ANKH: variants seen among roughly 807,000 people sequenced by gnomAD.
The protein encoded by ANKH is ANKH inorganic pyrophosphate transport regulator, also known as mineralization regulator ANKH.
In ANKH, 15 loss-of-function variants were observed where a neutral mutation model predicts 49.0. That is an observed-to-expected ratio of 0.31 (90% confidence interval 0.20 to 0.47). The LOEUF (loss-of-function observed/expected upper bound fraction) is 0.47, where lower values mean the gene tolerates loss of function less well. Ranked by LOEUF, ANKH falls within the 20% of genes least tolerant of loss-of-function variation. ANKH has a pLI of 1.00. For missense variants in ANKH, 429 were observed against 652.0 expected, an observed-to-expected ratio of 0.66 and a Z score of 3.72; for synonymous variants, 273 against 260.0, an observed-to-expected ratio of 1.05 and a Z score of -0.48.
At chr5:14,784,643 G>C (rs1384573171) in intron 1 of ANKH, among the ~76,000 whole-genome samples, 1 of 152,200 alleles carries the variant, frequency 6.6e-6, no homozygotes. Context: ...AACAGAGTAA[G>C]GAGCAGGGTC....
intron 1 of ANKH, among the ~76,000 whole-genome samples, chr5:14,792,083 G>T (rs1216407932): frequency 6.6e-6 from 1 of 152,174 alleles, no homozygotes; most frequent in Non-Finnish European, 1.5e-5. Flanking sequence ...TGGGACGAGG[G>T]TGGAGGGCTC....
chr5:14,847,122 C>T (rs1317366678), intron 1 of ANKH, among the ~76,000 whole-genome samples: 1 of 151,818 alleles, frequency 6.6e-6, no homozygotes, highest in African/African-American at 2.4e-5. Context: ...GCTCTTAGGC[C>T]AGGAAGGGAG....
At chr5:14,852,666 C>T (rs994497006) in intron 1 of ANKH, among the ~76,000 whole-genome samples, 7 of 152,208 alleles carry the variant, frequency 4.6e-5, no homozygotes, top group Middle Eastern at 6.8e-3. Context: ...TTACGTGTGT[C>T]CCTAGCAGCA....
intron 1 of ANKH, among the ~76,000 whole-genome samples, chr5:14,817,607 T>A (rs1318677238): frequency 6.6e-6 from 1 of 152,096 alleles, no homozygotes; most frequent in Non-Finnish European, 1.5e-5. Flanking sequence ...TGATACAGAG[T>A]GACATCTGCC....
intron 1 of ANKH, chr5:14,798,194 C>T (rs1386291189): frequency 2.5e-5 from 40 of 1,585,610 alleles, no homozygotes; most frequent in Non-Finnish European, 3.3e-5. Context: ...ATGTGTGTGT[C>T]CCCAGGACAA....
intron 1 of ANKH, chr5:14,869,376 C>A (rs1055904594): frequency 1.3e-5 from 2 of 152,230 alleles, no homozygotes; most frequent in Admixed American, 6.5e-5. Context: ...TTCTTCTCCC[C>A]ATTTCTCCAC....
intron 1 of ANKH, among the ~76,000 whole-genome samples, chr5:14,778,864 C>T (rs1469377889): frequency 3.3e-5 from 5 of 152,164 alleles, no homozygotes; most frequent in Non-Finnish European, 5.9e-5. Context: ...AATACACAGC[C>T]ACACGGTCTG....
chr5:14,847,416 C>T (rs1305345899), intron 1 of ANKH, among the ~76,000 whole-genome samples: 1 of 152,184 alleles, frequency 6.6e-6, no homozygotes, highest in Non-Finnish European at 1.5e-5. Context: ...AAAGGTTCCA[C>T]TCGGAAATCG....
At chr5:14,758,459 C>T (rs1738971792) in intron 3 of ANKH, 21 bp downstream of exon 3, 2 of 1,576,892 alleles carry the variant, frequency 1.3e-6, no homozygotes, top group East Asian at 2.2e-5. Context: ...AGAAAGAAAG[C>T]CAACGATCTT....
chr5:14,811,383 T>C (rs1275617675), intron 1 of ANKH, among the ~76,000 whole-genome samples: 2 of 152,162 alleles, frequency 1.3e-5, no homozygotes, highest in African/African-American at 4.8e-5. Flanking sequence ...AGACACACAC[T>C]TTCCACACGA....
rs1736947096 is a variant in ANKH at position 14,706,407 on chromosome 5, C to A, written c.*4790G>T. ...CCACTTGGACTTGACAGAGGTTTTTCAAAAATGATTTAGGAGGCCCACCTT... is the reference window on the plus strand; with the variant it reads ...CCACTTGGACTTGACAGAGGTTTTTAAAAAATGATTTAGGAGGCCCACCTT... On this transcript the variant is annotated 3_prime_UTR_variant, in exon 12 of 12. Coordinates refer to ENST00000284268, the MANE Select transcript of ANKH (RefSeq NM_054027.6). The A allele has an allele frequency of 6.6e-6, 1 of 152,122 alleles. No homozygotes were observed. Among genetic ancestry groups the A allele is most frequent in the South Asian group, 2.1e-4 (1 of 4,824 alleles). 9.4% of individuals were successfully genotyped at this position (152,122 alleles called of 1,614,324 possible). A position where few individuals can be genotyped will look rare whatever the true frequency, so the allele number is the denominator to read the frequency against.
chr5:14,764,097 A>AAATAAATAAATAAAT (rs1561044514), intron 2 of ANKH, among the ~76,000 whole-genome samples: 2 of 78,004 alleles, frequency 2.6e-5, no homozygotes, highest in African/African-American at 8.7e-5. Context: ...AATAAATAAA[A>AAATAAATAAATAAAT]ATAAAAAAAG....
chr5:14,843,267 A>G (rs896460244), intron 1 of ANKH, among the ~76,000 whole-genome samples: 1 of 149,490 alleles, frequency 6.7e-6, no homozygotes, highest in East Asian at 2.0e-4. Flanking sequence ...CCTCCGCCTC[A>G]TGGATTCAAG....
chr5:14,857,244 A>G (rs574784298), intron 1 of ANKH, among the ~76,000 whole-genome samples: 2 of 152,262 alleles, frequency 1.3e-5, no homozygotes, highest in African/African-American at 4.8e-5. Context: ...GGGAAGTAAA[A>G]CCAATACAGC....
At chr5:14,812,066 G>C (rs1379526685) in intron 1 of ANKH, among the ~76,000 whole-genome samples, 1 of 146,426 alleles carries the variant, frequency 6.8e-6, no homozygotes, top group African/African-American at 2.5e-5. Context: ...AATTCTTGCT[G>C]AGCTACTTTC....
chr5:14,850,924 A>C (rs1742105842), intron 1 of ANKH, among the ~76,000 whole-genome samples: 1 of 151,950 alleles, frequency 6.6e-6, no homozygotes, highest in Non-Finnish European at 1.5e-5. Flanking sequence ...TCTGCAGTAC[A>C]GATAAGGAAC....
At chr5:14,814,038 C>G (rs1288162767) in intron 1 of ANKH, among the ~76,000 whole-genome samples, 3 of 152,180 alleles carry the variant, frequency 2.0e-5, no homozygotes, top group Non-Finnish European at 2.9e-5. Flanking sequence ...CACCTTATCC[C>G]AGTTCTTCTT....
At chr5:14,718,838 CCA>C (rs1491366855) in intron 8 of ANKH, among the ~76,000 whole-genome samples, 54 of 141,028 alleles carry the variant, frequency 3.8e-4, no homozygotes, top group African/African-American at 1.4e-3. Flanking sequence ...CACCCCCCCC[CCA>C]AAAAAAAAAG....
chr5:14,712,770 C>T, intron 11 of ANKH, 104 bp downstream of exon 11: 3 of 1,132,074 alleles, frequency 2.7e-6, no homozygotes, highest in Non-Finnish European at 2.6e-6. Flanking sequence ...ACCAAGGATC[C>T]CCCACTGACG....
Sources: allele counts gnomAD v4.1 joint callset (sites outside exome capture counted in the v4.1 genomes callset), GRCh38; gene constraint gnomAD v4.1.1; transcripts MANE v1.5; gene names NCBI Gene and HGNC (gene_info 2026-07-23, HGNC 2026-07-21).